The following DPY19L3 variants were observed in gnomAD, a reference collection of about 807,000 sequenced individuals.
DPY19L3 encodes protein C-mannosyl-transferase DPY19L3.
Under a neutral mutation model 92.3 loss-of-function variants are expected in DPY19L3, and 51 were observed. That is an observed-to-expected ratio of 0.55 (90% CI 0.44 to 0.70). The LOEUF (loss-of-function observed/expected upper bound fraction) is 0.70, where lower values mean the gene tolerates loss of function less well. Among genes scored for constraint, DPY19L3 ranks in the 30% least tolerant of loss-of-function variants. The pLI, the probability that DPY19L3 is intolerant of heterozygous loss-of-function variation, is 0.00. For missense variants in DPY19L3, 706 were observed against 855.9 expected, an observed-to-expected ratio of 0.82 and a Z score of 2.18; for synonymous variants, 309 against 315.2, an observed-to-expected ratio of 0.98 and a Z score of 0.21.
intron 16 of DPY19L3, among the ~76,000 whole-genome samples, chr19:32,470,590 C>T (rs1970326920): frequency 6.6e-6 from 1 of 152,142 alleles, no homozygotes; most frequent in Admixed American, 6.5e-5. Flanking sequence ...TATTTTTATG[C>T]TTTTCCCCAC....
chr19:32,482,548 C>A lies in DPY19L3; in HGVS notation c.*308C>A, dbSNP rs1970706462. 4.3e-6 allele frequency: 1 copy of A among 230,718 alleles called. No individual in the cohort carries two copies. The highest frequency in any genetic ancestry group is 8.4e-6 in the Non-Finnish European group (1 of 119,194). 14.3% of individuals were successfully genotyped at this position (230,718 alleles called of 1,614,324 possible). On this transcript the variant is annotated 3_prime_UTR_variant, in exon 19 of 19. Transcript: ENST00000392250. ...TGTTCCATGGATACCTGGATAGGCA[C>A]ATAACATGTTGGAAGATGAGCACCT...
chr19:32,477,396 T>A, intron 16 of DPY19L3, 126 bp from the exon 17 acceptor site: 1 of 1,293,264 alleles, frequency 7.7e-7, no homozygotes, highest in East Asian at 2.4e-5. Flanking sequence ...ACTCCCGTTT[T>A]TTTTCCCTGA....
At position 32,485,674 on chromosome 19, in the gene DPY19L3, A is replaced by G. The variant is rs1195461455; in HGVS notation, c.*3434A>G. 6.6e-6 allele frequency: 1 copy of G among 152,230 alleles called. No homozygotes were observed. The highest frequency in any genetic ancestry group is 1.5e-5 in the Non-Finnish European group (1 of 68,040). The allele number at this position is 152,230 out of a possible 1,614,324, so 9.4% of individuals were successfully genotyped here. ...ATTCTCAGATCCTATATCTTGGTTAATATGCTCCCAGATACTTTAAACATG... is the reference window on the plus strand; with the variant it reads ...ATTCTCAGATCCTATATCTTGGTTAGTATGCTCCCAGATACTTTAAACATG... On this transcript the variant is annotated 3_prime_UTR_variant, in exon 19 of 19. Coordinates refer to ENST00000392250, the MANE Select transcript of DPY19L3 (RefSeq NM_001172774.2).
rs924257316 is a variant in DPY19L3 at position 32,408,277 on chromosome 19, A to G, written c.24A>G (p.Arg8=). MMSIRQR[R]EIRATEVSED... ...TCATGATGTCCATCCGGCAAAGAAG[A>G]GAAATAAGAGCCACAGAAGTTTCTG... Residue 8 remains arginine, a synonymous_variant, in exon 2 of 19, where the codon AGA becomes AGG. Coordinates refer to ENST00000392250, the MANE Select transcript of DPY19L3 (RefSeq NM_001172774.2). 5.0e-6 allele frequency: 8 copies of G among 1,613,350 alleles called. No individual in the cohort carries two copies. The highest frequency in any genetic ancestry group is 2.2e-5 in the South Asian group (2 of 90,886).
intron 15 of DPY19L3, chr19:32,468,093 G>A: frequency 1.0e-6 from 1 of 984,878 alleles, no homozygotes; most frequent in Non-Finnish European, 1.2e-6. Flanking sequence ...ATGAAAAGGG[G>A]GCTGGATTTG....
In DPY19L3 at chr19:32,411,364, A is replaced by G. The variant is rs779528138; in HGVS notation, c.229A>G (p.Asn77Asp). 1 of 1,614,068 alleles carries G rather than the reference A, an allele frequency of 6.2e-7. No individual in the cohort carries two copies. Among genetic ancestry groups the G allele is most frequent in the South Asian group, 1.1e-5 (1 of 91,070 alleles). ...ACATGAAAATGATTTATGGTTTTCT[A>G]ATATTAAGGTATGGAGTTTCTTTGA... The part of the protein sequence containing the change: ...TLHENDLWFS[N>D]IKEVEREISF... The change falls in exon 3 of 19, where the codon AAT becomes GAT. Residue 77 changes from asparagine to aspartate, a missense_variant. Physicochemically the swap from Asn to Asp is conservative, Grantham distance 23. Coordinates refer to ENST00000392250, the MANE Select transcript of DPY19L3 (RefSeq NM_001172774.2).
At position 32,482,210 on chromosome 19, in the gene DPY19L3, C is replaced by G; in HGVS notation, c.2121C>G (p.Phe707Leu). 1 of 1,613,570 alleles carries G rather than the reference C, an allele frequency of 6.2e-7. No homozygotes were observed. ...YFTRVFQNKT[F>L]HVYKLSRNK is the part of the protein sequence containing the mutation. ...CCAGAGTGTTCCAGAACAAAACCTTCCACGTTTACAAGCTGTCCAGAAACA... is the reference window on the plus strand; with the variant it reads ...CCAGAGTGTTCCAGAACAAAACCTTGCACGTTTACAAGCTGTCCAGAAACA... Residue 707 changes from phenylalanine (F) to leucine (L), a missense_variant, in exon 19 of 19, where the codon TTC (phenylalanine) becomes TTG (leucine). Phe to Leu is a conservative substitution (Grantham distance 22). Transcript: ENST00000392250.
At chr19:32,425,074 T>G (rs190105667) in intron 3 of DPY19L3, among the ~76,000 whole-genome samples, 95 of 152,236 alleles carry the variant, frequency 6.2e-4, no homozygotes, top group African/African-American at 2.2e-3. Context: ...ACACAAAAAT[T>G]AACTCAAGAT....
rs767520776 is a variant in DPY19L3 at position 32,483,948 on chromosome 19, A to G, written c.*1708A>G. 6.6e-6 allele frequency: 1 copy of G among 152,638 alleles called. No individual in the cohort carries two copies. The highest frequency in any genetic ancestry group is 1.5e-5 in the Non-Finnish European group (1 of 68,034). 9.5% of individuals were successfully genotyped at this position (152,638 alleles called of 1,614,324 possible). ...TGAAACCAAGCACACGTAAGGTACA[A>G]TATGTTAGACTCTGTGATTTTGTTT... On this transcript the variant is annotated 3_prime_UTR_variant, in exon 19 of 19. Transcript: ENST00000392250.
chr19:32,413,716 A>G (rs1412160455), intron 3 of DPY19L3, among the ~76,000 whole-genome samples: 1 of 150,276 alleles, frequency 6.7e-6, no homozygotes, highest in Non-Finnish European at 1.5e-5. Context: ...TCGTTTATAT[A>G]TCTTTTTTTG....
At chr19:32,410,185 A>C (rs879625577) in intron 2 of DPY19L3, among the ~76,000 whole-genome samples, 5 of 152,240 alleles carry the variant, frequency 3.3e-5, no homozygotes, top group African/African-American at 4.8e-5. Flanking sequence ...TAATGAATTT[A>C]AACATCTTCA....
At chr19:32,423,976 G>C (rs1372116391) in intron 3 of DPY19L3, among the ~76,000 whole-genome samples, 3 of 151,928 alleles carry the variant, frequency 2.0e-5, no homozygotes, top group Admixed American at 6.6e-5. Context: ...TTGTGCCATT[G>C]GCCTCCAGCC....
chr19:32,479,214 T>C (rs1390798555), intron 17 of DPY19L3, among the ~76,000 whole-genome samples: 1 of 152,148 alleles, frequency 6.6e-6, no homozygotes, highest in Admixed American at 6.5e-5. Context: ...CCTGCTAAAA[T>C]AGGAATTTTT....
intron 3 of DPY19L3, among the ~76,000 whole-genome samples, chr19:32,430,037 G>A (rs1025987243): frequency 6.6e-6 from 1 of 152,188 alleles, no homozygotes; most frequent in Non-Finnish European, 1.5e-5. Context: ...AGCAATGAAA[G>A]TTTAAAAAGC....
chr19:32,442,312 G>A (rs1377650105), intron 8 of DPY19L3, among the ~76,000 whole-genome samples: 1 of 152,106 alleles, frequency 6.6e-6, no homozygotes, highest in African/African-American at 2.4e-5. Context: ...ATTATAAAGT[G>A]TATACTTTTG....
At chr19:32,449,269 G>A (rs1568345049) in intron 8 of DPY19L3, among the ~76,000 whole-genome samples, 1 of 152,180 alleles carries the variant, frequency 6.6e-6, no homozygotes, top group African/African-American at 2.4e-5. Context: ...ATTGTTGAAA[G>A]TTTTAAACGC....
chr19:32,419,260 G>A (rs564308197), intron 3 of DPY19L3, among the ~76,000 whole-genome samples: 3 of 150,174 alleles, frequency 2.0e-5, no homozygotes, highest in South Asian at 2.1e-4. Context: ...TCCCGGGTTC[G>A]CGCCATTCTC....
chr19:32,437,078 C>T, intron 5 of DPY19L3, 116 bp from the exon 6 acceptor site: 1 of 1,258,990 alleles, frequency 7.9e-7, no homozygotes, highest in South Asian at 1.5e-5. Flanking sequence ...TGTGGGCTTG[C>T]TGCTTGGAAT....
chr19:32,464,416 T>C (rs531739316), intron 14 of DPY19L3, among the ~76,000 whole-genome samples: 23 of 152,348 alleles, frequency 1.5e-4, no homozygotes, highest in African/African-American at 5.5e-4. Context: ...GCTGCAGATA[T>C]CTTACAAATG....
Sources: gnomAD v4.1 joint callset for allele counts (sites outside exome capture counted in the v4.1 genomes callset) on GRCh38, gnomAD v4.1.1 for gene constraint, MANE v1.5 for transcripts, NCBI Gene and HGNC (gene_info 2026-07-23, HGNC 2026-07-21) for gene names.